OCIAD1: variants seen among roughly 807,000 people sequenced by gnomAD.
OCIAD1 encodes OCIA domain-containing protein 1.
A neutral mutation model predicts 38.9 loss-of-function variants in OCIAD1; 29 were observed. The ratio of observed to expected loss-of-function variants is 0.74; its 90% CI spans 0.55 to 1.02. The LOEUF is 1.02. Among genes scored for constraint, OCIAD1 ranks in the 50% least tolerant of loss-of-function variants. OCIAD1 has a pLI of 0.00. For missense variants in OCIAD1, 288 were observed against 289.6 expected, an observed-to-expected ratio of 0.99 and a Z score of 0.04; for synonymous variants, 110 against 92.0, an observed-to-expected ratio of 1.20 and a Z score of -1.12.
intron 1 of OCIAD1, among the ~76,000 whole-genome samples, chr4:48,832,239 G>T (rs1256234482): frequency 1.3e-5 from 2 of 151,970 alleles, no homozygotes; most frequent in African/African-American, 4.8e-5. Context: ...TCTATTTTGG[G>T]GAATTATCCT....
chr4:48,852,674 C>A (rs544585636), intron 7 of OCIAD1, among the ~76,000 whole-genome samples: 2 of 152,192 alleles, frequency 1.3e-5, no homozygotes, highest in East Asian at 3.9e-4. Context: ...GGAGATGATA[C>A]TACCTCTCTT....
chr4:48,827,589 C>T (rs552482091), upstream of OCIAD1, among the ~76,000 whole-genome samples: 2 of 152,308 alleles, frequency 1.3e-5, no homozygotes, highest in African/African-American at 4.8e-5. Flanking sequence ...GACTCAATAA[C>T]CTCTAAATGC....
upstream of OCIAD1, chr4:48,830,433 G>A (rs1777381607): frequency 6.6e-6 from 1 of 152,226 alleles, no homozygotes; most frequent in Non-Finnish European, 1.5e-5. Flanking sequence ...ACTTCAGGAA[G>A]GAATGTATGA....
chr4:48,825,255 C>A (rs539968108), intron 1 of OCIAD1, among the ~76,000 whole-genome samples: 1 of 152,288 alleles, frequency 6.6e-6, no homozygotes, highest in East Asian at 1.9e-4. Flanking sequence ...ACTCCTTGTG[C>A]CCCCACTCTA....
chr4:48,849,668 G>A (rs915861762), intron 5 of OCIAD1, among the ~76,000 whole-genome samples: 38 of 151,826 alleles, frequency 2.5e-4, no homozygotes, highest in Admixed American at 1.8e-3. Flanking sequence ...AATCTTTCCT[G>A]TATATATTAT....
At chr4:48,807,483 A>C (rs754890095) in intron 1 of OCIAD1, among the ~76,000 whole-genome samples, 1 of 152,206 alleles carries the variant, frequency 6.6e-6, no homozygotes, top group African/African-American at 2.4e-5. Context: ...CCAAGTATCT[A>C]TCAGGTTGTT....
rs143579356 is a variant in OCIAD1, at chr4:48,836,435, G to A, written c.139+2954G>A. Among the ~76,000 whole-genome samples, 25 of 152,264 alleles carry A rather than the reference G, an allele frequency of 1.6e-4. No homozygotes were observed. In the East Asian group the frequency reaches 4.2e-3, roughly 26 times the overall value. ...GTTTGAAGATGAGTTTAGTTCAGAC[G>A]TTTTGAGTTCATGGTGCAACATTCG... On this transcript the variant is annotated intron_variant, in intron 3 of 8. Coordinates refer to ENST00000264312, the MANE Select transcript of OCIAD1 (RefSeq NM_017830.4).
rs1410588232 is a variant in OCIAD1, at chr4:48,857,361, A to G, written c.696A>G (p.Lys232=). The change falls in exon 8 of 9, where the codon AAA becomes AAG. Residue 232 remains lysine (K), a synonymous_variant. Transcript: ENST00000264312. ...VRPMHERVPK[K]EVKVNKYGDT... ...CTATGCATGAAAGAGTGCCAAAAAA[A>G]GAAGGTATGATAGTTTAGTCTGAAT... The G allele has an allele frequency of 6.5e-7, 1 of 1,546,862 alleles. No individual in the cohort carries two copies. The highest frequency in any genetic ancestry group is 2.3e-5 in the East Asian group (1 of 42,746).
intron 1 of OCIAD1, among the ~76,000 whole-genome samples, chr4:48,807,904 C>T (rs186209072): frequency 6.2e-4 from 94 of 152,262 alleles, no homozygotes; most frequent in Admixed American, 1.8e-3. Context: ...GTCTCTAGAC[C>T]GGATGTTTTC....
chr4:48,829,645 G>T (rs1312782597), upstream of OCIAD1, among the ~76,000 whole-genome samples: 1 of 152,200 alleles, frequency 6.6e-6, no homozygotes, highest in Non-Finnish European at 1.5e-5. Context: ...ATCAACTGAA[G>T]TCTCAGACAA....
chr4:48,843,762 T>A lies in OCIAD1; in HGVS notation c.193+1073T>A, dbSNP rs370761369. 1.6e-4 allele frequency among the ~76,000 whole-genome samples: 24 copies of A among 152,292 alleles called. 1 individual carries two copies. In the South Asian group the frequency reaches 4.4e-3, roughly 28 times the overall value. Reference sequence around the variant, plus strand: ...AAAAACCCCACTTGAATTACATTCTTTGTAGGAAAAACTGGCACAGGGATG... The same window carrying A: ...AAAAACCCCACTTGAATTACATTCTATGTAGGAAAAACTGGCACAGGGATG... On this transcript the variant is annotated intron_variant, in intron 4 of 8. Coordinates refer to ENST00000264312, the MANE Select transcript of OCIAD1 (RefSeq NM_017830.4).
upstream of OCIAD1, among the ~76,000 whole-genome samples, chr4:48,829,447 A>G (rs1361080494): frequency 6.6e-6 from 1 of 152,206 alleles, no homozygotes; most frequent in Non-Finnish European, 1.5e-5. Flanking sequence ...TCATGTGCCA[A>G]TCACTGATGC....
intron 1 of OCIAD1, among the ~76,000 whole-genome samples, chr4:48,814,907 C>G (rs1200397898): frequency 1.3e-5 from 2 of 152,156 alleles, no homozygotes; most frequent in Non-Finnish European, 2.9e-5. Context: ...ATTGATGCTT[C>G]TCTTCATCTT....
intron 8 of OCIAD1, among the ~76,000 whole-genome samples, chr4:48,858,787 T>C (rs2109631598): frequency 6.6e-6 from 1 of 152,350 alleles, no homozygotes; most frequent in Admixed American, 6.5e-5. Context: ...GAAAGAGTTA[T>C]ATGCCAGCTT....
At chr4:48,847,223 A>G (rs1345790343) in intron 4 of OCIAD1, among the ~76,000 whole-genome samples, 1 of 152,156 alleles carries the variant, frequency 6.6e-6, no homozygotes, top group Non-Finnish European at 1.5e-5. Context: ...CCATTTGTTT[A>G]TACTTCATTT....
chr4:48,823,619 C>G (rs1560409193), intron 1 of OCIAD1, among the ~76,000 whole-genome samples: 1 of 151,340 alleles, frequency 6.6e-6, no homozygotes, highest in Non-Finnish European at 1.5e-5. Flanking sequence ...ATACACATTT[C>G]CTTTTTTAAA....
chr4:48,808,269 A>G (rs1777048481), intron 1 of OCIAD1, among the ~76,000 whole-genome samples: 1 of 152,162 alleles, frequency 6.6e-6, no homozygotes, highest in Admixed American at 6.5e-5. Context: ...GGAGTTCAAG[A>G]CCAGACTGGA....
chr4:48,831,551 C>G (rs186712513), intron 1 of OCIAD1: 35 of 1,290,608 alleles, frequency 2.7e-5, no homozygotes, highest in Non-Finnish European at 3.3e-5. Context: ...GGTTGTAGGC[C>G]GCTTAGGCTT....
At position 48,808,527 on chromosome 4, in the gene OCIAD1, C is replaced by T. The variant is rs116110597; in HGVS notation, c.-103+3197C>T. ...AAAAGATGGTGCCTCAAGGGATAAT[C>T]CCCTGAGGGCTGCTCCCTTATTAAT... On this transcript the variant is annotated intron_variant, in intron 1 of 6. Coordinates refer to the OCIAD1 transcript ENST00000504654. Among the ~76,000 whole-genome samples, 577 of 152,084 alleles carry T rather than the reference C, an allele frequency of 3.8e-3. 2 individuals carry two copies. Among genetic ancestry groups the T allele is most frequent in the Non-Finnish European group, 6.7e-3 (454 of 67,944 alleles).
Sources: gnomAD v4.1 joint callset for allele counts (sites outside exome capture counted in the v4.1 genomes callset) on GRCh38, gnomAD v4.1.1 for gene constraint, MANE v1.5 for transcripts, NCBI Gene and HGNC (gene_info 2026-07-23, HGNC 2026-07-21) for gene names.